Variants in STAU2 observed in about 807,000 individuals in gnomAD.
STAU2 encodes staufen double-stranded RNA binding protein 2.
A neutral mutation model predicts 65.9 loss-of-function variants in STAU2; 20 were observed. That is an observed-to-expected ratio of 0.30 (90% CI 0.21 to 0.44). The LOEUF (loss-of-function observed/expected upper bound fraction) is 0.44, where lower values mean the gene tolerates loss of function less well. Among genes scored for constraint, STAU2 ranks in the 20% least tolerant of loss-of-function variants. The probability of loss-of-function intolerance (pLI) is 1.00; values close to 1 mark genes in which losing one functional copy is unlikely to be tolerated. For missense variants in STAU2, 558 were observed against 683.9 expected, an observed-to-expected ratio of 0.82 and a Z score of 2.05; for synonymous variants, 232 against 233.9, an observed-to-expected ratio of 0.99 and a Z score of 0.07.
At chr8:73,496,849 T>C (rs1821448355) in intron 13 of STAU2, among the ~76,000 whole-genome samples, 1 of 151,696 alleles carries the variant, frequency 6.6e-6, no homozygotes, top group African/African-American at 2.4e-5. Context: ...AAATTTCAAA[T>C]GCTCAATAGC....
At position 73,585,451 on chromosome 8, in the gene STAU2, G is replaced by A. The variant is rs143723788; in HGVS notation, c.1162-2621C>T. Among the ~76,000 whole-genome samples, 3 of 152,342 alleles carry A rather than the reference G, an allele frequency of 2.0e-5. No individual in the cohort carries two copies. The East Asian group carries it at 5.8e-4, about 29-fold the overall frequency. On this transcript the variant is annotated intron_variant, in intron 11 of 14. Transcript: ENST00000524300. ...GCTGAGATCGTGCCATTGCACACCA[G>A]CCTGGACAACGAGAGTGAAACTCCG...
At chr8:73,662,546 G>A (rs1816906027) in intron 6 of STAU2, among the ~76,000 whole-genome samples, 1 of 152,096 alleles carries the variant, frequency 6.6e-6, no homozygotes, top group Non-Finnish European at 1.5e-5. Flanking sequence ...ATATGTCTAT[G>A]ACCCATTTCT....
intron 12 of STAU2, among the ~76,000 whole-genome samples, chr8:73,580,309 A>T (rs1021157434): frequency 4.6e-5 from 7 of 152,238 alleles, no homozygotes. Context: ...AATGTTACAT[A>T]ATTAAAGATT....
intron 13 of STAU2, among the ~76,000 whole-genome samples, chr8:73,446,122 CA>C (rs1197556865): frequency 2.6e-5 from 4 of 152,186 alleles, no homozygotes; most frequent in African/African-American, 9.7e-5. Context: ...TCAAAAGGAA[CA>C]AACTATTGAT....
intron 13 of STAU2, among the ~76,000 whole-genome samples, chr8:73,452,990 G>T (rs879282360): frequency 1.3e-5 from 2 of 152,194 alleles, no homozygotes; most frequent in Non-Finnish European, 2.9e-5. Context: ...GGGTCCATTT[G>T]TTCCACGTTA....
chr8:73,558,822 A>T (rs1372972647), intron 12 of STAU2, among the ~76,000 whole-genome samples: 1 of 152,008 alleles, frequency 6.6e-6, no homozygotes, highest in Non-Finnish European at 1.5e-5. Flanking sequence ...TGAAAAAAAA[A>T]ACTTTGTTTC....
chr8:73,747,241 C>T, upstream of STAU2: 1 of 964,298 alleles, frequency 1.0e-6, no homozygotes, highest in Non-Finnish European at 1.5e-6. Context: ...CTCCTCGTCC[C>T]CGGCGCGACT....
intron 6 of STAU2, chr8:73,652,475 A>C (rs1815968506): frequency 1.3e-5 from 2 of 152,072 alleles, no homozygotes; most frequent in African/African-American, 4.8e-5. Context: ...TGGGAGGCCA[A>C]GGCACACAGA....
intron 6 of STAU2, among the ~76,000 whole-genome samples, chr8:73,630,526 A>G (rs540974873): frequency 5.3e-5 from 8 of 152,346 alleles, no homozygotes; most frequent in African/African-American, 1.7e-4. Flanking sequence ...TATTTTAGTC[A>G]CACTAAATAC....
intron 12 of STAU2, among the ~76,000 whole-genome samples, chr8:73,565,847 A>G (rs1342092335): frequency 6.6e-6 from 1 of 152,220 alleles, no homozygotes; most frequent in Non-Finnish European, 1.5e-5. Flanking sequence ...ACTCTTGTTT[A>G]TATCAATCAG....
intron 4 of STAU2, among the ~76,000 whole-genome samples, chr8:73,691,911 T>C (rs1158318429): frequency 6.6e-6 from 1 of 152,174 alleles, no homozygotes; most frequent in East Asian, 1.9e-4. Context: ...GGCAGGCCCC[T>C]GGATAGAGAG....
At position 73,682,744 on chromosome 8, in the gene STAU2, G is replaced by T. The variant is rs533490759; in HGVS notation, c.274+5910C>A. 2.0e-5 allele frequency among the ~76,000 whole-genome samples: 3 copies of T among 152,158 alleles called. No homozygotes were observed. The South Asian group carries it at 6.2e-4, about 32-fold the overall frequency. On this transcript the variant is annotated intron_variant, in intron 5 of 14. Coordinates refer to ENST00000524300, the MANE Select transcript of STAU2 (RefSeq NM_001164380.2). ...CAAGATTAACCAAAAAAAGAAGACA[G>T]AAGATCCAAATAAGCTCAATTAGAA...
intron 6 of STAU2, among the ~76,000 whole-genome samples, chr8:73,647,283 T>G (rs1045115773): frequency 6.6e-6 from 1 of 151,804 alleles, no homozygotes; most frequent in African/African-American, 2.4e-5. Context: ...TACATAGATA[T>G]TCACAGCAGC....
intron 3 of STAU2, among the ~76,000 whole-genome samples, chr8:73,712,869 T>C (rs1005981247): frequency 3.9e-5 from 6 of 152,190 alleles, no homozygotes; most frequent in African/African-American, 9.7e-5. Flanking sequence ...GATAGAAGGA[T>C]TGCTTGAGCC....
chr8:73,735,500 CTT>C (rs1806370489), intron 3 of STAU2, among the ~76,000 whole-genome samples: 1 of 152,168 alleles, frequency 6.6e-6, no homozygotes, highest in Non-Finnish European at 1.5e-5. Context: ...AGATTTCAAA[CTT>C]CTTTTGTACC....
chr8:73,698,804 G>A (rs566579325), intron 4 of STAU2, among the ~76,000 whole-genome samples: 21 of 151,492 alleles, frequency 1.4e-4, no homozygotes, highest in African/African-American at 5.1e-4. Context: ...AGACAAAATG[G>A]ATCTAGTAGA....
intron 12 of STAU2, among the ~76,000 whole-genome samples, chr8:73,565,208 T>C (rs546789847): frequency 9.2e-5 from 14 of 152,258 alleles, no homozygotes; most frequent in South Asian, 4.1e-4. Flanking sequence ...TGGGAGGTGA[T>C]TGAATCATGG....
chr8:73,535,302 T>C (rs778288197), intron 13 of STAU2, among the ~76,000 whole-genome samples: 1 of 152,106 alleles, frequency 6.6e-6, no homozygotes, highest in African/African-American at 2.4e-5. Flanking sequence ...CCCAAGTAAC[T>C]GGGACTACAG....
chr8:73,557,752 C>T (rs1299186858), intron 12 of STAU2, among the ~76,000 whole-genome samples: 4 of 152,216 alleles, frequency 2.6e-5, no homozygotes, highest in African/African-American at 9.7e-5. Context: ...AACCACTACA[C>T]TTCCCTCGCT....
Sources: allele counts gnomAD v4.1 joint callset (sites outside exome capture counted in the v4.1 genomes callset), GRCh38; gene constraint gnomAD v4.1.1; transcripts MANE v1.5; gene names NCBI Gene and HGNC (gene_info 2026-07-23, HGNC 2026-07-21).